The following RGS6 variants were observed in gnomAD, a reference collection of about 807,000 sequenced individuals.
The protein encoded by RGS6 is regulator of G protein signaling 6.
A neutral mutation model predicts 78.5 loss-of-function variants in RGS6; 30 were observed. The ratio of observed to expected loss-of-function variants is 0.38; its 90% CI spans 0.29 to 0.52. The LOEUF is 0.52. Ranked by LOEUF, RGS6 falls within the 20% of genes least tolerant of loss-of-function variation. The pLI is 0.85. For missense variants in RGS6, 495 were observed against 609.7 expected (o/e 0.81, Z 1.98); for synonymous variants, 206 against 206.0 (o/e 1.00, Z 0.00).
At chr14:71,892,936 A>G in the RGS6 span, among the ~76,000 whole-genome samples, 1 of 152,372 alleles carries the variant, frequency 6.6e-6, no homozygotes, top group African/African-American at 2.4e-5. Flanking sequence ...ATGTAGATGA[A>G]GAGATGGCCC....
intron 12 of RGS6, among the ~76,000 whole-genome samples, chr14:72,490,403 C>T (rs1389143203): frequency 2.6e-5 from 4 of 152,332 alleles, no homozygotes; most frequent in Admixed American, 2.6e-4. Context: ...ATGTCTTTAT[C>T]AGCAGCATGA....
intron 2 of RGS6, among the ~76,000 whole-genome samples, chr14:72,194,530 C>A (rs1567435119): frequency 6.6e-6 from 1 of 152,052 alleles, no homozygotes; most frequent in Non-Finnish European, 1.5e-5. Context: ...GCCACCACAC[C>A]TGGCTAGTTT....
intron 2 of RGS6, among the ~76,000 whole-genome samples, chr14:72,348,049 G>A (rs1486900026): frequency 6.6e-6 from 1 of 152,186 alleles, no homozygotes; most frequent in East Asian, 1.9e-4. Flanking sequence ...CACTAACCTT[G>A]GCATATGGCG....
chr14:72,424,416 G>C (rs573654885), intron 3 of RGS6, among the ~76,000 whole-genome samples: 9 of 152,304 alleles, frequency 5.9e-5, no homozygotes, highest in African/African-American at 2.2e-4. Flanking sequence ...GGGCATTGCA[G>C]CTGTTCTGGA....
intron 3 of RGS6, among the ~76,000 whole-genome samples, chr14:72,396,073 A>G (rs75646940): frequency 0.55 from 83,710 of 151,894 alleles, 25,860 homozygotes; most frequent in African/African-American, 0.84. Flanking sequence ...GGGTCAAATG[A>G]TATTTCCAGT....
chr14:72,256,326 T>A (rs1273137812), intron 2 of RGS6, among the ~76,000 whole-genome samples: 1 of 152,114 alleles, frequency 6.6e-6, no homozygotes, highest in Non-Finnish European at 1.5e-5. Flanking sequence ...GAGTCATGGG[T>A]CCAGGTAGAG....
At chr14:72,504,682 C>T (rs1361297340) in intron 13 of RGS6, among the ~76,000 whole-genome samples, 2 of 151,964 alleles carry the variant, frequency 1.3e-5, no homozygotes, top group East Asian at 1.9e-4. Flanking sequence ...CCTTTAAAGG[C>T]CTGGTTACAG....
chr14:72,482,283 C>G (rs950201286), intron 12 of RGS6, among the ~76,000 whole-genome samples: 5 of 152,102 alleles, frequency 3.3e-5, no homozygotes, highest in African/African-American at 9.7e-5. Flanking sequence ...CCCTGCTTCC[C>G]CTTCCCTAAA....
rs1211389977 is a variant in RGS6, at chr14:72,510,172, G to A, written c.984G>A (p.Gln328=). The part of the protein sequence containing the change: ...DIEMSKEPSQ[Q]RVKRWGFSFD... ...CCCAAAGCAAAGAGCCCAGCCAACA[G>A]CGAGTAAAAAGATGGGGCTTCTCTT... The change falls in exon 14 of 18, where the codon CAG becomes CAA. Residue 328 remains glutamine (Q), a synonymous_variant. Transcript: ENST00000553525. The A allele has an allele frequency of 1.2e-6, 2 of 1,611,106 alleles. No homozygotes were observed. Among genetic ancestry groups the A allele is most frequent in the African/African-American group, 1.3e-5 (1 of 74,644 alleles).
At chr14:72,391,883 A>G (rs1406285919) in intron 3 of RGS6, among the ~76,000 whole-genome samples, 1 of 152,124 alleles carries the variant, frequency 6.6e-6, no homozygotes, top group Non-Finnish European at 1.5e-5. Context: ...TTTGCTGAGA[A>G]TGTTAGTTTC....
At chr14:72,237,659 C>G (rs2051466920) in intron 2 of RGS6, among the ~76,000 whole-genome samples, 1 of 152,122 alleles carries the variant, frequency 6.6e-6, no homozygotes, top group Non-Finnish European at 1.5e-5. Flanking sequence ...CGGGAGAGTT[C>G]CCTTGACCCC....
Position 72,271,980 on chromosome 14 carries a change from G to A in RGS6, c.85-80115G>A, listed in dbSNP as rs183213656. Reference sequence around the variant, plus strand: ...TTAAGGACTCTGTGATGGCACTGGGGCCACTGGGATAATCGAGGATAATCT... The same window carrying A: ...TTAAGGACTCTGTGATGGCACTGGGACCACTGGGATAATCGAGGATAATCT... On this transcript the variant is annotated intron_variant, in intron 2 of 17. Coordinates refer to ENST00000553525, the MANE Select transcript of RGS6 (RefSeq NM_001204424.2). Among the ~76,000 whole-genome samples, 35 of 151,748 alleles carry A rather than the reference G, an allele frequency of 2.3e-4. 1 individual carries two copies. The East Asian group carries it at 6.8e-3, about 29-fold the overall frequency.
Position 72,563,333 on chromosome 14 carries a change from G to A in RGS6, c.*866G>A, listed in dbSNP as rs1317471539. 6.5e-6 allele frequency: 1 copy of A among 154,120 alleles called. No homozygotes were observed. The highest frequency in any genetic ancestry group is 2.4e-5 in the African/African-American group (1 of 41,450). The allele number at this position is 154,120 out of a possible 1,614,324, so 9.5% of individuals were successfully genotyped here. A position where few individuals can be genotyped will look rare whatever the true frequency, so the allele number is the denominator to read the frequency against. On this transcript the variant is annotated 3_prime_UTR_variant, in exon 18 of 18. Coordinates refer to ENST00000553525, the MANE Select transcript of RGS6 (RefSeq NM_001204424.2). ...TCATGTTTTACTCAAAATAAACATG[G>A]CCATGAACTCAGGGGCCATTGGGAT...
chr14:72,230,735 C>T (rs1434046267), intron 2 of RGS6, among the ~76,000 whole-genome samples: 2 of 152,142 alleles, frequency 1.3e-5, no homozygotes, highest in Non-Finnish European at 2.9e-5. Context: ...TCGGGGAAAC[C>T]TCAATTTTGC....
intron 2 of RGS6, among the ~76,000 whole-genome samples, chr14:72,153,199 T>C (rs1305693594): frequency 6.6e-6 from 1 of 152,190 alleles, no homozygotes; most frequent in Non-Finnish European, 1.5e-5. Context: ...CCAGATGATC[T>C]CCCTGAACCA....
intron 2 of RGS6, among the ~76,000 whole-genome samples, chr14:72,039,575 G>A (rs920303292): frequency 6.6e-6 from 1 of 152,044 alleles, no homozygotes; most frequent in Non-Finnish European, 1.5e-5. Context: ...CAGCTTATGT[G>A]TGCCATTATA....
chr14:72,518,686 G>A (rs1025524149), intron 15 of RGS6, 149 bp downstream of exon 15: 2 of 730,332 alleles, frequency 2.7e-6, no homozygotes, highest in Non-Finnish European at 4.4e-6. Flanking sequence ...ATTTCAGATA[G>A]GCGCACAGCA....
At position 72,518,657 on chromosome 14, in the gene RGS6, A is replaced by G. The variant is rs2096985920; in HGVS notation, c.1278+120A>G. ...TAAAATTTCAGATTTGGTTATTTTTAAGTTCATCAGTGGAAACCATTTCAG... is the reference window on the plus strand; with the variant it reads ...TAAAATTTCAGATTTGGTTATTTTTGAGTTCATCAGTGGAAACCATTTCAG... On this transcript the variant is annotated intron_variant, in intron 15 of 17. Transcript: ENST00000553525. 4 of 967,714 alleles carry G rather than the reference A, an allele frequency of 4.1e-6. No homozygotes were observed. The South Asian group carries it at 5.3e-5, about 13-fold the overall frequency. The allele number at this position is 967,714 out of a possible 1,614,324, so 59.9% of individuals were successfully genotyped here.
chr14:71,986,551 A>T (rs1190089846), intron 2 of RGS6, among the ~76,000 whole-genome samples: 1 of 151,952 alleles, frequency 6.6e-6, no homozygotes, highest in East Asian at 1.9e-4. Flanking sequence ...AAAAAAAAAA[A>T]ATACAAAAGT....
Sources: gnomAD v4.1 joint callset for allele counts (sites outside exome capture counted in the v4.1 genomes callset) on GRCh38, gnomAD v4.1.1 for gene constraint, MANE v1.5 for transcripts, NCBI Gene and HGNC (gene_info 2026-07-23, HGNC 2026-07-21) for gene names.